The following CEP135 variants were observed in gnomAD, a reference collection of about 807,000 sequenced individuals.
The protein encoded by CEP135 is centrosomal protein of 135 kDa.
Under a neutral mutation model 157.3 loss-of-function variants are expected in CEP135, and 142 were observed. That is an observed-to-expected ratio of 0.90 (90% CI 0.79 to 1.04). CEP135 has a LOEUF of 1.04. Among genes scored for constraint, CEP135 ranks in the 50% least tolerant of loss-of-function variants. CEP135 has a pLI of 0.00. For missense variants in CEP135, 1,317 were observed against 1,309.2 expected (o/e 1.01, Z -0.09); for synonymous variants, 396 against 439.8 (o/e 0.90, Z 1.25).
At chr4:56,022,272 G>A (rs568300352) in intron 24 of CEP135, among the ~76,000 whole-genome samples, 23 of 152,152 alleles carry the variant, frequency 1.5e-4, no homozygotes, top group African/African-American at 5.3e-4. Flanking sequence ...TTGCCTCAAC[G>A]AAACCTTGAG....
At position 56,020,719 on chromosome 4, in the gene CEP135, GCA is replaced by G. The variant is rs1296718931; in HGVS notation, c.3262_3263del (p.Gln1088ValfsTer6). The stretch of plus-strand genomic sequence containing the variant: ...AAACACCATGCTTCGAGCTAAAGTG[GCA>G]CAGTTACAAACAGATTATGATGCTC... ...RENTMLRAKV[A>X]QLQTDYDALK... On this transcript the variant is annotated frameshift_variant, in exon 24 of 26. Coordinates refer to ENST00000257287, the MANE Select transcript of CEP135 (RefSeq NM_025009.5). LOFTEE classifies it high-confidence loss of function. The G allele has an allele frequency of 2.5e-6, 4 of 1,613,534 alleles. No individual in the cohort carries two copies. The highest frequency in any genetic ancestry group is 3.4e-6 in the Non-Finnish European group (4 of 1,179,776).
chr4:56,006,319 T>G (rs1464839407), intron 17 of CEP135, among the ~76,000 whole-genome samples: 1 of 152,230 alleles, frequency 6.6e-6, no homozygotes, highest in Non-Finnish European at 1.5e-5. Context: ...ATAGCTTGTC[T>G]TCAAGCTCAC....
In CEP135 at chr4:55,964,082, G is replaced by A. The variant is rs369565082; in HGVS notation, c.700-192G>A. ...CATATGAAAGATATAGTGACAGCAT[G>A]TCTGTTGACATTTTCTATGTAATTT... On this transcript the variant is annotated intron_variant, in intron 6 of 25. Transcript: ENST00000257287. Among the ~76,000 whole-genome samples the A allele has an allele frequency of 1.2e-4, 19 of 152,324 alleles. No homozygotes were observed. The South Asian group carries it at 3.7e-3, about 30-fold the overall frequency.
At position 55,962,455 on chromosome 4, in the gene CEP135, A is replaced by G. The variant is rs1222784971; in HGVS notation, c.700-1819A>G. 5.3e-5 allele frequency among the ~76,000 whole-genome samples: 8 copies of G among 152,198 alleles called. 1 individual carries two copies. The highest frequency in any genetic ancestry group is 1.9e-4 in the African/African-American group (8 of 41,526). On this transcript the variant is annotated intron_variant, in intron 6 of 25. Transcript: ENST00000257287. Reference sequence around the variant, plus strand: ...GAGGATTCCTTCTCCCTCTCTATGCAGACTTCTCCAAAGACTGTCTTACTT... The same window carrying G: ...GAGGATTCCTTCTCCCTCTCTATGCGGACTTCTCCAAAGACTGTCTTACTT...
At chr4:55,957,188 T>A in intron 4 of CEP135, 35 bp from the exon 5 acceptor site, 1 of 1,604,814 alleles carries the variant, frequency 6.2e-7, no homozygotes. Context: ...TGGTTTTGTT[T>A]CTTCTTAGTT....
intron 9 of CEP135, among the ~76,000 whole-genome samples, chr4:55,970,464 C>A (rs918372290): frequency 6.6e-6 from 1 of 152,150 alleles, no homozygotes; most frequent in African/African-American, 2.4e-5. Context: ...TTTCCAAGTT[C>A]TTTCATTATG....
intron 21 of CEP135, among the ~76,000 whole-genome samples, chr4:56,012,256 G>A (rs1018966414): frequency 3.9e-5 from 6 of 152,064 alleles, no homozygotes; most frequent in Non-Finnish European, 8.8e-5. Context: ...GGGTTTCACC[G>A]TGTTGGCCAG....
chr4:55,992,636 A>G (rs1407846116), intron 15 of CEP135, among the ~76,000 whole-genome samples: 1 of 152,204 alleles, frequency 6.6e-6, no homozygotes, highest in African/African-American at 2.4e-5. Flanking sequence ...AGTCTTAGAG[A>G]TTGATGGCAA....
intron 17 of CEP135, among the ~76,000 whole-genome samples, chr4:56,003,619 A>G (rs1489126032): frequency 6.6e-6 from 1 of 151,420 alleles, no homozygotes; most frequent in Non-Finnish European, 1.5e-5. Flanking sequence ...GTTCCTTTCT[A>G]GTTTCTGGTT....
At chr4:56,014,319 G>A (rs1730695363) in intron 21 of CEP135, among the ~76,000 whole-genome samples, 1 of 152,186 alleles carries the variant, frequency 6.6e-6, no homozygotes, top group Non-Finnish European at 1.5e-5. Flanking sequence ...GTTTTGAAGT[G>A]CTTGACAGAA....
chr4:56,003,141 TTTTG>T (rs1411871470), intron 17 of CEP135, among the ~76,000 whole-genome samples: 1 of 152,184 alleles, frequency 6.6e-6, no homozygotes, highest in African/African-American at 2.4e-5. Context: ...GTTTGTTGAT[TTTTG>T]TTTATCTTTT....
At chr4:55,978,432 T>C (rs560043894) in intron 11 of CEP135, among the ~76,000 whole-genome samples, 32 of 152,332 alleles carry the variant, frequency 2.1e-4, no homozygotes, top group African/African-American at 7.7e-4. Flanking sequence ...TCTGAAAGAA[T>C]TCCTTGGAGA....
chr4:56,009,633 G>A (rs987815027), intron 18 of CEP135, 102 bp from the exon 19 acceptor site: 3 of 991,360 alleles, frequency 3.0e-6, no homozygotes, highest in African/African-American at 1.7e-5. Flanking sequence ...TATAATCACA[G>A]TATATTTGTA....
Position 55,974,931 on chromosome 4 carries a change from G to A in CEP135, c.1435G>A (p.Ala479Thr), listed in dbSNP as rs200040205. 6.8e-5 allele frequency: 109 copies of A among 1,607,076 alleles called. No homozygotes were observed. Among genetic ancestry groups the A allele is most frequent in the Middle Eastern group, 1.7e-4 (1 of 5,728 alleles). Residue 479 changes from alanine to threonine, a missense_variant, in exon 11 of 26, where the codon GCA becomes ACA. Ala to Thr is a moderately conservative substitution (Grantham distance 58, BLOSUM62 0). Transcript: ENST00000257287. ...QRRSCSTSYS[A>T]REKSSIFRTP... ...AAGATCTTGCTCTACAAGTTATAGC[G>A]CACGTGAAAAAAGTTCAATATTTAG...
intron 10 of CEP135, among the ~76,000 whole-genome samples, chr4:55,974,115 G>T (rs1277932563): frequency 1.2e-4 from 18 of 152,154 alleles, no homozygotes; most frequent in Admixed American, 1.2e-3. Context: ...CTGGTGCTGG[G>T]CATGTAGTAA....
At chr4:55,987,350 G>A (rs557214950) in intron 14 of CEP135, among the ~76,000 whole-genome samples, 2 of 152,084 alleles carry the variant, frequency 1.3e-5, no homozygotes, top group Admixed American at 6.6e-5. Context: ...ACCCTTTATA[G>A]ATCTGTGGAG....
intron 22 of CEP135, among the ~76,000 whole-genome samples, chr4:56,018,759 C>CAA (rs1331597119): frequency 7.1e-6 from 1 of 141,716 alleles, no homozygotes; most frequent in African/African-American, 2.6e-5. Context: ...GACCTTGTCT[C>CAA]AAAAAAAAAA....
intron 14 of CEP135, among the ~76,000 whole-genome samples, chr4:55,988,966 G>GA (rs58245269): frequency 0.044 from 5,337 of 122,364 alleles, 289 homozygotes; most frequent in African/African-American, 0.14. Flanking sequence ...ACTCCGTCTC[G>GA]AAAAAAAAAA....
chr4:56,005,657 T>C (rs1730326668), intron 17 of CEP135, among the ~76,000 whole-genome samples: 1 of 152,234 alleles, frequency 6.6e-6, no homozygotes, highest in Non-Finnish European at 1.5e-5. Flanking sequence ...CACAGTATTC[T>C]GGGTTTGTCT....
Sources: gnomAD v4.1 joint callset for allele counts (sites outside exome capture counted in the v4.1 genomes callset) on GRCh38, gnomAD v4.1.1 for gene constraint, MANE v1.5 for transcripts, NCBI Gene and HGNC (gene_info 2026-07-23, HGNC 2026-07-21) for gene names.